TMEM65: variants seen among roughly 807,000 people sequenced by gnomAD.
TMEM65 encodes the protein transmembrane protein 65.
TMEM65 carries 22 observed loss-of-function variants against 25.4 expected under a neutral mutation model. The ratio of observed to expected loss-of-function variants is 0.86; its 90% CI spans 0.62 to 1.23. The LOEUF (loss-of-function observed/expected upper bound fraction) is 1.23, where lower values mean the gene tolerates loss of function less well. Ranked by LOEUF, TMEM65 falls within the 50% of genes most tolerant of loss-of-function variation. The pLI is 0.00. For missense variants in TMEM65, 262 were observed against 308.2 expected (o/e 0.85, Z 1.12); for synonymous variants, 132 against 126.2 (o/e 1.05, Z -0.31).
rs375395630 is a variant in TMEM65, at chr8:124,357,408, G to C, written c.304+14446C>G. 5.9e-5 allele frequency among the ~76,000 whole-genome samples: 9 copies of C among 152,036 alleles called. No homozygotes were observed. In the East Asian group the frequency reaches 7.7e-4, roughly 13 times the overall value. On this transcript the variant is annotated intron_variant, in intron 1 of 6. Transcript: ENST00000297632. ...TCGTTTTAAAAAGTCATTCGAGTTA[G>C]GAATTCATTTTGAAAACAAATATAA...
intron 1 of TMEM65, among the ~76,000 whole-genome samples, chr8:124,349,800 T>A (rs919615442): frequency 3.3e-5 from 5 of 152,052 alleles, no homozygotes; most frequent in African/African-American, 9.7e-5. Context: ...GACAGGCAAG[T>A]CCTACTATCA....
intron 1 of TMEM65, among the ~76,000 whole-genome samples, chr8:124,367,062 ACTGAAATAT>A (rs1814947959): frequency 6.6e-6 from 1 of 152,228 alleles, no homozygotes; most frequent in Non-Finnish European, 1.5e-5. Flanking sequence ...CAACAAAGGC[ACTGAAATAT>A]CTTTATTCAC....
intron 1 of TMEM65, among the ~76,000 whole-genome samples, chr8:124,339,102 T>C (rs1398759895): frequency 7.0e-6 from 1 of 142,028 alleles, no homozygotes; most frequent in African/African-American, 2.6e-5. Flanking sequence ...GGCAGGTGAA[T>C]CACTTGAACC....
intron 1 of TMEM65, among the ~76,000 whole-genome samples, chr8:124,335,632 G>T (rs1814496864): frequency 6.6e-6 from 1 of 151,988 alleles, no homozygotes; most frequent in Admixed American, 6.6e-5. Flanking sequence ...TTTCTATGAT[G>T]AAAATAAAAT....
At chr8:124,331,611 C>G (rs1157609177) in intron 1 of TMEM65, among the ~76,000 whole-genome samples, 1 of 151,522 alleles carries the variant, frequency 6.6e-6, no homozygotes, top group African/African-American at 2.4e-5. Flanking sequence ...CAGGCAGCAG[C>G]CTACCTGGTC....
chr8:124,327,430 C>A lies in TMEM65; in HGVS notation c.350-9G>T. On this transcript the variant is annotated splice_polypyrimidine_tract_variant and intron_variant, in intron 2 of 6. Coordinates refer to ENST00000297632, the MANE Select transcript of TMEM65 (RefSeq NM_194291.3). ...CGCATTGTGGATGAATACTGAAAAACATCAAAAACAGAAAAATATATTTTA... is the reference window on the plus strand; with the variant it reads ...CGCATTGTGGATGAATACTGAAAAAAATCAAAAACAGAAAAATATATTTTA... 1 of 1,562,752 alleles carries A rather than the reference C, an allele frequency of 6.4e-7. No individual in the cohort carries two copies. Among genetic ancestry groups the A allele is most frequent in the Non-Finnish European group, 8.7e-7 (1 of 1,152,316 alleles).
chr8:124,360,689 T>A (rs893780508), intron 1 of TMEM65, among the ~76,000 whole-genome samples: 1 of 152,198 alleles, frequency 6.6e-6, no homozygotes, highest in Admixed American at 6.5e-5. Flanking sequence ...TTTGGAGATA[T>A]AAATTTTCTA....
chr8:124,372,015 G>A lies in TMEM65; in HGVS notation c.143C>T (p.Pro48Leu), dbSNP rs1176969252. 29 of 1,311,010 alleles carry A rather than the reference G, an allele frequency of 2.2e-5. No individual in the cohort carries two copies. Among genetic ancestry groups the A allele is most frequent in the East Asian group, 3.2e-5 (1 of 31,714 alleles). The allele number at this position is 1,311,010 out of a possible 1,614,324, so 81.2% of individuals were successfully genotyped here. ...CGTGCCCAGCCGCCTGGGGCCGCCC[G>A]GCAAGCCGCCGGGGGGCGCGAGCGC... ...LLALAPPGGL[P>L]GGPRRLGTHP... Residue 48 changes from proline to leucine, a missense_variant, in exon 1 of 7, where the codon CCG (proline) becomes CTG (leucine). By Grantham distance (98) the Pro-to-Leu change is moderately conservative. Coordinates refer to ENST00000297632, the MANE Select transcript of TMEM65 (RefSeq NM_194291.3).
intron 1 of TMEM65, among the ~76,000 whole-genome samples, chr8:124,349,482 C>G (rs1322478154): frequency 6.6e-6 from 1 of 152,084 alleles, no homozygotes; most frequent in African/African-American, 2.4e-5. Context: ...TTACATGGTT[C>G]CAAAACAACT....
Position 124,371,977 on chromosome 8 carries a change from C to A in TMEM65, c.181G>T (p.Glu61Ter), listed in dbSNP as rs752044150. 3 of 1,490,182 alleles carry A rather than the reference C, an allele frequency of 2.0e-6. No individual in the cohort carries two copies. Among genetic ancestry groups the A allele is most frequent in the Non-Finnish European group, 2.7e-6 (3 of 1,122,620 alleles). 92.3% of individuals were successfully genotyped at this position (1,490,182 alleles called of 1,614,324 possible). A position where few individuals can be genotyped will look rare whatever the true frequency, so the allele number is the denominator to read the frequency against. Residue 61 changes from glutamate (E) to a stop codon, truncating the protein, a stop_gained, in exon 1 of 7, where the codon GAG (glutamate) becomes TAG (stop). Transcript: ENST00000297632. LOFTEE classifies it high-confidence loss of function. ...GCCGTGTTCAGCGCCTCCATGGGCT[C>A]CTTCTTGGGGTGCGTGCCCAGCCGC... ...PRRLGTHPKK[E>*]PMEALNTAQG...
intron 2 of TMEM65, 115 bp downstream of exon 2, chr8:124,330,633 C>A: frequency 3.1e-6 from 3 of 980,864 alleles, no homozygotes; most frequent in Admixed American, 2.8e-5. Flanking sequence ...CAGGATAATC[C>A]ACTCTATCTG....
Position 124,314,042 on chromosome 8 carries a change from G to C in TMEM65, c.641C>G (p.Thr214Ser), listed in dbSNP as rs1814200789. ...STHLGKAVGV[T>S]IGCILGMFPL... The stretch of plus-strand genomic sequence containing the variant: ...AAACATTCCTAGAATGCAGCCAATA[G>C]TCACCCCAACAGCTTTGCCCTAAGG... Residue 214 changes from threonine (T) to serine (S), a missense_variant, in exon 7 of 7, where the codon ACT (threonine) becomes AGT (serine). Transcript: ENST00000297632. 6.2e-7 allele frequency: 1 copy of C among 1,613,356 alleles called. No individual in the cohort carries two copies. The highest frequency in any genetic ancestry group is 8.5e-7 in the Non-Finnish European group (1 of 1,179,714).
rs72721440 is a variant in TMEM65 at position 124,312,132 on chromosome 8, C to A, written c.*1828G>T. ...ACACTTTACCCCACCCTTCCCCCCCCAAAAATTTAAGCACTCTAATCCTAT... is the reference window on the plus strand; with the variant it reads ...ACACTTTACCCCACCCTTCCCCCCCAAAAAATTTAAGCACTCTAATCCTAT... On this transcript the variant is annotated 3_prime_UTR_variant, in exon 7 of 7. Coordinates refer to ENST00000297632, the MANE Select transcript of TMEM65 (RefSeq NM_194291.3). 14,989 of 151,226 alleles carry A rather than the reference C, an allele frequency of 0.099. 813 individuals are homozygous for A. The highest frequency in any genetic ancestry group is 0.15 in the East Asian group (743 of 5,100). The allele number at this position is 151,226 out of a possible 1,614,324, so 9.4% of individuals were successfully genotyped here. A position where few individuals can be genotyped will look rare whatever the true frequency, so the allele number is the denominator to read the frequency against.
At chr8:124,323,481 G>A in intron 3 of TMEM65, 106 bp from the exon 4 acceptor site, 1 of 529,510 alleles carries the variant, frequency 1.9e-6, no homozygotes, top group Non-Finnish European at 3.3e-6. Context: ...ACATGTTAGT[G>A]CTGCAAAATT....
chr8:124,339,248 T>TATATATATATATATATAA (rs1489856057), intron 1 of TMEM65, among the ~76,000 whole-genome samples: 24 of 104,632 alleles, frequency 2.3e-4, no homozygotes, highest in African/African-American at 9.2e-4. Flanking sequence ...TATATATATA[T>TATATATATATATATATAA]AAAATATTCT....
intron 1 of TMEM65, among the ~76,000 whole-genome samples, chr8:124,339,104 A>ACTTGAACC (rs1814548420): frequency 6.9e-6 from 1 of 145,060 alleles, no homozygotes; most frequent in African/African-American, 2.6e-5. Context: ...CAGGTGAATC[A>ACTTGAACC]CTTGAACCTC....
chr8:124,322,794 A>G (rs914486989), intron 4 of TMEM65, among the ~76,000 whole-genome samples: 4 of 151,992 alleles, frequency 2.6e-5, no homozygotes, highest in Non-Finnish European at 5.9e-5. Context: ...TCAGGCATTC[A>G]AGACCATCCT....
chr8:124,362,945 T>G (rs1366141515), intron 1 of TMEM65, among the ~76,000 whole-genome samples: 1 of 152,200 alleles, frequency 6.6e-6, no homozygotes, highest in Non-Finnish European at 1.5e-5. Flanking sequence ...TCTGATTGTG[T>G]GGAAAATAGA....
chr8:124,330,838 C>T (rs75042459), intron 1 of TMEM65, 46 bp from the exon 2 acceptor site: 9 of 1,503,598 alleles, frequency 6.0e-6, no homozygotes, highest in African/African-American at 5.8e-5. Context: ...GTTACTACAG[C>T]GTGATATTTT....
Sources: allele counts gnomAD v4.1 joint callset (sites outside exome capture counted in the v4.1 genomes callset), GRCh38; gene constraint gnomAD v4.1.1; transcripts MANE v1.5; gene names NCBI Gene and HGNC (gene_info 2026-07-23, HGNC 2026-07-21).